PRRT4: variants seen among roughly 807,000 people sequenced by gnomAD.
The protein encoded by PRRT4 is proline rich transmembrane protein 4.
PRRT4 carries 59 observed loss-of-function variants against 55.6 expected under a neutral mutation model. The observed-to-expected ratio is 1.06, with a 90% CI of 0.86 to 1.32. PRRT4 has a LOEUF of 1.32. Among genes scored for constraint, PRRT4 ranks in the 40% most tolerant of loss-of-function variants. The pLI, the probability that PRRT4 is intolerant of heterozygous loss-of-function variation, is 0.00. For synonymous variants in PRRT4, 606 were observed against 601.8 expected (o/e 1.01, Z -0.10); for missense variants, 1,217 against 1,222.0 (o/e 1.00, Z 0.06).
intron 4 of PRRT4, among the ~76,000 whole-genome samples, chr7:128,354,848 A>G (rs1198228694): frequency 6.6e-6 from 1 of 152,182 alleles, no homozygotes; most frequent in African/African-American, 2.4e-5. Context: ...CAAATCTGAA[A>G]TGAGTAAGAG....
Position 128,358,533 on chromosome 7 carries a change from A to G in PRRT4, c.877+148T>C, listed in dbSNP as rs1489157705. 1.3e-6 allele frequency: 1 copy of G among 757,678 alleles called. No homozygotes were observed. The highest frequency in any genetic ancestry group is 2.1e-6 in the Non-Finnish European group (1 of 465,894). 46.9% of individuals were successfully genotyped at this position (757,678 alleles called of 1,614,324 possible). A position where few individuals can be genotyped will look rare whatever the true frequency, so the allele number is the denominator to read the frequency against. On this transcript the variant is annotated intron_variant, in intron 4 of 4. Transcript: ENST00000535159. The surrounding 1 kb of genome is among the most constrained non-coding windows in gnomAD (Gnocchi z 4.4). ...AGCAATACTTTCTCTCAGACCATTC[A>G]TATATATCTCCACGGTGATGATGAA... is the stretch of plus-strand genomic sequence containing the variant.
intron 4 of PRRT4, among the ~76,000 whole-genome samples, chr7:128,352,933 C>T (rs1377974652): frequency 6.6e-6 from 1 of 152,034 alleles, no homozygotes; most frequent in Non-Finnish European, 1.5e-5. Flanking sequence ...CTCGGCCCCC[C>T]AGCTCCCTGC....
In PRRT4 at chr7:128,358,893, G is replaced by T; in HGVS notation, c.758-93C>A. The stretch of plus-strand genomic sequence containing the variant: ...AAAATTATGTCCTTCCCCAGAGTTT[G>T]TCCTAAGGAAGTCACTGTCCCAGGA... On this transcript the variant is annotated intron_variant, in intron 3 of 4. Transcript: ENST00000535159. The surrounding 1 kb of genome is among the most constrained non-coding windows in gnomAD (Gnocchi z 4.4). 1 of 1,462,792 alleles carries T rather than the reference G, an allele frequency of 6.8e-7. No homozygotes were observed. Among genetic ancestry groups the T allele is most frequent in the Non-Finnish European group, 9.0e-7 (1 of 1,109,152 alleles). 90.6% of individuals were successfully genotyped at this position (1,462,792 alleles called of 1,614,324 possible). A position where few individuals can be genotyped will look rare whatever the true frequency, so the allele number is the denominator to read the frequency against.
rs1797111779 is a variant in PRRT4 at position 128,356,362 on chromosome 7, T to C, written c.877+2319A>G. 3.9e-5 allele frequency among the ~76,000 whole-genome samples: 6 copies of C among 152,188 alleles called. No individual in the cohort carries two copies. In the South Asian group the frequency reaches 1.2e-3, roughly 31 times the overall value. On this transcript the variant is annotated intron_variant, in intron 4 of 4. Coordinates refer to ENST00000535159, the Ensembl canonical transcript of PRRT4. ...CAAGTGTCATAAAAGGAGTTCTGAATTAGAAACACTGATCCCATGCTCTGC... is the reference window on the plus strand; with the variant it reads ...CAAGTGTCATAAAAGGAGTTCTGAACTAGAAACACTGATCCCATGCTCTGC...
chr7:128,350,808 CA>C, downstream of PRRT4: 1 of 1,541,036 alleles, frequency 6.5e-7, no homozygotes, highest in Non-Finnish European at 8.8e-7. Context: ...TCGGGCAGGG[CA>C]GGCGCCAGAA....
At chr7:128,351,351 G>A in exon 5 of PRRT4, 3 of 1,547,398 alleles carry the variant, frequency 1.9e-6, no homozygotes, top group South Asian at 2.4e-5. Context: ...CGCTGCAGAG[G>A]GCCTCCTCGA....
intron 4 of PRRT4, among the ~76,000 whole-genome samples, chr7:128,355,488 G>A (rs987450478): frequency 2.6e-5 from 4 of 152,218 alleles, no homozygotes; most frequent in African/African-American, 7.2e-5. Context: ...GAGCCACCGC[G>A]CCCGGCCAAA....
In PRRT4 at chr7:128,351,406, G is replaced by T. The variant is rs1028262275; in HGVS notation, c.2150C>A (p.Thr717Asn). Residue 717 changes from threonine to asparagine, a missense_variant, in exon 5 of 5, where the codon ACC (threonine) becomes AAC (asparagine). Thr to Asn is a moderately conservative substitution (Grantham distance 65). Coordinates refer to ENST00000535159, the Ensembl canonical transcript of PRRT4. Reference sequence around the variant, plus strand: ...TGGGGAGGGCGGGCGGAAGTCCACGGTGTAATCGCTGCAGGGAGAGGAAGC... The same window carrying T: ...TGGGGAGGGCGGGCGGAAGTCCACGTTGTAATCGCTGCAGGGAGAGGAAGC... 5.2e-6 allele frequency: 8 copies of T among 1,539,414 alleles called. No individual in the cohort carries two copies. In the African/African-American group the frequency reaches 9.6e-5, roughly 18 times the overall value.
In PRRT4 at chr7:128,358,816, A is replaced by G. The variant is rs1562969266; in HGVS notation, c.758-16T>C. On this transcript the variant is annotated splice_polypyrimidine_tract_variant and intron_variant, in intron 3 of 4. Coordinates refer to ENST00000535159, the Ensembl canonical transcript of PRRT4. The surrounding 1 kb of genome is among the most constrained non-coding windows in gnomAD (Gnocchi z 4.4). ...CCAAGGAACCCTGCAAAGGGAGCAC[A>G]TGGGGCTCAAGTGCCACCCCACCAA... 4 of 1,518,408 alleles carry G rather than the reference A, an allele frequency of 2.6e-6. No individual in the cohort carries two copies. The highest frequency in any genetic ancestry group is 3.5e-6 in the Non-Finnish European group (4 of 1,134,434). 94.1% of individuals were successfully genotyped at this position (1,518,408 alleles called of 1,614,324 possible). A position where few individuals can be genotyped will look rare whatever the true frequency, so the allele number is the denominator to read the frequency against.
chr7:128,354,369 G>T (rs954546578), intron 4 of PRRT4, among the ~76,000 whole-genome samples: 1 of 152,198 alleles, frequency 6.6e-6, no homozygotes, highest in Admixed American at 6.5e-5. Flanking sequence ...TTTGAGACCA[G>T]CCTGGCCAAC....
exon 5 of PRRT4, chr7:128,351,700 C>A: frequency 6.7e-7 from 1 of 1,498,584 alleles, no homozygotes; most frequent in Non-Finnish European, 8.8e-7. Context: ...CGGGTAGAGG[C>A]CCAGCAGCGC....
chr7:128,351,125 G>T (rs1273387953), exon 5 of PRRT4: 11 of 1,547,956 alleles, frequency 7.1e-6, no homozygotes, highest in Non-Finnish European at 9.6e-6. Context: ...GAGCTGTCCC[G>T]CGAGAGTCCG....
chr7:128,352,038 G>A, exon 5 of PRRT4: 4 of 1,296,262 alleles, frequency 3.1e-6, no homozygotes, highest in Non-Finnish European at 2.9e-6. Context: ...AAAGGAAAGC[G>A]GCGAGAAAGG....
chr7:128,354,662 A>G (rs1268395388), intron 4 of PRRT4, among the ~76,000 whole-genome samples: 1 of 152,154 alleles, frequency 6.6e-6, no homozygotes, highest in Non-Finnish European at 1.5e-5. Flanking sequence ...GAGTTCTGAG[A>G]ACAAGGAAAA....
At chr7:128,354,298 T>C (rs905684392) in intron 4 of PRRT4, among the ~76,000 whole-genome samples, 2 of 152,148 alleles carry the variant, frequency 1.3e-5, no homozygotes, top group Non-Finnish European at 2.9e-5. Context: ...GCGCGGTGGC[T>C]CATGGCTGTA....
rs1797024193 is a variant in PRRT4, at chr7:128,352,684, G to A, written c.878-6C>T. 3 of 1,516,758 alleles carry A rather than the reference G, an allele frequency of 2.0e-6. No individual in the cohort carries two copies. The highest frequency in any genetic ancestry group is 2.6e-6 in the Non-Finnish European group (3 of 1,134,706). 94.0% of individuals were successfully genotyped at this position (1,516,758 alleles called of 1,614,324 possible). A position where few individuals can be genotyped will look rare whatever the true frequency, so the allele number is the denominator to read the frequency against. On this transcript the variant is annotated splice_polypyrimidine_tract_variant and splice_region_variant and intron_variant, in intron 4 of 4. Transcript: ENST00000535159. ...AGAGATGGGGACTGTGGGGTCTGTG[G>A]GCAAAGAACGTTTGGCTTGAGGCAA...
chr7:128,353,654 A>G (rs758785533), intron 4 of PRRT4, among the ~76,000 whole-genome samples: 13 of 152,100 alleles, frequency 8.5e-5, no homozygotes, highest in Non-Finnish European at 1.9e-4. Flanking sequence ...AGATGGCTCC[A>G]TGCTTCTCCC....
At chr7:128,352,443 G>A (rs1168223625) in exon 5 of PRRT4, 2 of 1,538,654 alleles carry the variant, frequency 1.3e-6, no homozygotes, top group African/African-American at 1.4e-5. Context: ...CGAAGAGCGC[G>A]CCTACCCCGT....
At chr7:128,359,047 A>C in intron 3 of PRRT4, 102 bp downstream of exon 4, 1 of 1,304,060 alleles carries the variant, frequency 7.7e-7, no homozygotes, top group Non-Finnish European at 1.1e-6. Flanking sequence ...TGGAAGAAGC[A>C]ATGCAAGAAA....
Sources: gnomAD v4.1 joint callset for allele counts (sites outside exome capture counted in the v4.1 genomes callset) on GRCh38, gnomAD v4.1.1 for gene constraint, Gnocchi (gnomAD v3.1) non-coding constraint, MANE v1.5 for transcripts, NCBI Gene and HGNC (gene_info 2026-07-23, HGNC 2026-07-21) for gene names.